Variants in DPP6 observed in about 807,000 individuals in gnomAD.
DPP6 encodes dipeptidyl peptidase like 6.
DPP6 carries 69 observed loss-of-function variants against 122.6 expected under a neutral mutation model. That is an observed-to-expected ratio of 0.56 (90% CI 0.46 to 0.69). The LOEUF (loss-of-function observed/expected upper bound fraction) is 0.69. DPP6 is among the 30% of genes least tolerant of loss of function. DPP6 has a pLI of 0.00. For synonymous variants in DPP6, 418 were observed against 433.1 expected, an observed-to-expected ratio of 0.97 and a Z score of 0.43; for missense variants, 928 against 1,116.9, an observed-to-expected ratio of 0.83 and a Z score of 2.41.
At chr7:154,292,774 T>C (rs577023439) in intron 1 of DPP6, among the ~76,000 whole-genome samples, 33 of 152,318 alleles carry the variant, frequency 2.2e-4, no homozygotes, top group African/African-American at 7.7e-4. Flanking sequence ...GGAGTTCCAA[T>C]AGCTCATAGG....
chr7:153,989,908 C>T (rs1359595613), intron 1 of DPP6, among the ~76,000 whole-genome samples: 1 of 151,284 alleles, frequency 6.6e-6, no homozygotes, highest in African/African-American at 2.4e-5. Flanking sequence ...GACAGTCCTG[C>T]CACCTGCCAG....
the DPP6 span, among the ~76,000 whole-genome samples, chr7:153,868,332 T>C: frequency 6.6e-6 from 1 of 152,180 alleles, no homozygotes; most frequent in African/African-American, 2.4e-5. Flanking sequence ...TTTCAGAGCC[T>C]GTTATTGGTC....
At chr7:154,880,741 T>C in intron 20 of DPP6, 147 bp from the exon 21 acceptor site, 1 of 1,381,482 alleles carries the variant, frequency 7.2e-7, no homozygotes, top group Non-Finnish European at 9.9e-7. Context: ...AAGCAATAAA[T>C]AATTATATTG....
chr7:154,134,486 G>A (rs1795442565), intron 1 of DPP6, among the ~76,000 whole-genome samples: 1 of 152,088 alleles, frequency 6.6e-6, no homozygotes, highest in Admixed American at 6.5e-5. Context: ...CTTCCTGTAG[G>A]GTCTTCCACA....
At chr7:154,631,436 G>C (rs957034138) in intron 5 of DPP6, among the ~76,000 whole-genome samples, 1 of 151,878 alleles carries the variant, frequency 6.6e-6, no homozygotes, top group African/African-American at 2.4e-5. Flanking sequence ...GGAGTATATT[G>C]CAGTGGGTTA....
At chr7:153,808,190 TGTGTGTGTGCCTGAGTGTGTGTGCCTGA>T in the DPP6 span, among the ~76,000 whole-genome samples, 1 of 141,934 alleles carries the variant, frequency 7.0e-6, no homozygotes, top group Non-Finnish European at 1.6e-5. Flanking sequence ...TGCCACTGTG[TGTGTGTGTGCCTGAGTGTGTGTGCCTGA>T]GTGTGCGTGC....
chr7:154,345,205 G>A (rs980639706), intron 1 of DPP6, among the ~76,000 whole-genome samples: 4 of 152,078 alleles, frequency 2.6e-5, no homozygotes, highest in African/African-American at 9.7e-5. Flanking sequence ...CGGGCAGGAG[G>A]GGAGAGAGAG....
intron 1 of DPP6, among the ~76,000 whole-genome samples, chr7:154,141,488 G>C (rs940794178): frequency 1.1e-4 from 16 of 152,186 alleles, no homozygotes; most frequent in African/African-American, 3.6e-4. Context: ...GCATGTAGTA[G>C]CTGCTCAGTA....
chr7:154,703,204 C>T (rs1840622403), intron 7 of DPP6, among the ~76,000 whole-genome samples: 1 of 152,244 alleles, frequency 6.6e-6, no homozygotes, highest in Non-Finnish European at 1.5e-5. Flanking sequence ...CCTGGTCACC[C>T]AAGGACTCTG....
chr7:154,325,048 G>C (rs764204864), intron 1 of DPP6, among the ~76,000 whole-genome samples: 6 of 151,752 alleles, frequency 4.0e-5, no homozygotes, highest in Non-Finnish European at 5.9e-5. Flanking sequence ...TATATTTTTA[G>C]TAGAGACAAG....
chr7:153,838,531 G>A, the DPP6 span, among the ~76,000 whole-genome samples: 1 of 152,258 alleles, frequency 6.6e-6, no homozygotes, highest in East Asian at 1.9e-4. Context: ...AAGACAAAGG[G>A]AAACATGAAA....
intron 1 of DPP6, among the ~76,000 whole-genome samples, chr7:154,129,349 A>G (rs3111976): frequency 0.03 from 4,607 of 152,010 alleles, 200 homozygotes; most frequent in African/African-American, 0.1. Flanking sequence ...AGCCAGGAAT[A>G]GTTCATATCA....
At chr7:153,975,071 C>G (rs1174908027) in intron 1 of DPP6, among the ~76,000 whole-genome samples, 2 of 152,248 alleles carry the variant, frequency 1.3e-5, no homozygotes, top group Middle Eastern at 3.4e-3. Flanking sequence ...TACTAAATAC[C>G]TACTACGTAC....
chr7:154,089,301 T>C (rs1804644589), intron 1 of DPP6, among the ~76,000 whole-genome samples: 1 of 148,340 alleles, frequency 6.7e-6, no homozygotes, highest in African/African-American at 2.5e-5. Context: ...AAATAGAGAC[T>C]GCTGTCCAAT....
chr7:154,892,570 C>CGGGGG lies in DPP6; in HGVS notation c.*94_*95insGGGGG. 1.9e-6 allele frequency: 1 copy of CGGGGG among 513,296 alleles called. No homozygotes were observed. 31.8% of individuals were successfully genotyped at this position (513,296 alleles called of 1,614,324 possible). Reference sequence around the variant, plus strand: ...TGCCCTCCCTCTTCCCTCGGAGGGGCGGGGCGGGGCGGGGCCGGGTGTTCC... The same window carrying CGGGGG: ...TGCCCTCCCTCTTCCCTCGGAGGGGCGGGGGGGGGCGGGGCGGGGCCGGGTGTTCC... On this transcript the variant is annotated 3_prime_UTR_variant, in exon 26 of 26. Transcript: ENST00000377770.
intron 2 of DPP6, among the ~76,000 whole-genome samples, chr7:154,451,005 A>G (rs534745411): frequency 6.6e-6 from 1 of 152,192 alleles, no homozygotes; most frequent in African/African-American, 2.4e-5. Context: ...AGTTACTCCC[A>G]CCTTCCAAGG....
At chr7:154,402,597 G>A (rs1461143403) in intron 1 of DPP6, among the ~76,000 whole-genome samples, 1 of 141,860 alleles carries the variant, frequency 7.0e-6, no homozygotes, top group Non-Finnish European at 1.5e-5. Context: ...GGGGACTGTT[G>A]TGGGTTGGGG....
At chr7:154,410,146 C>T (rs1202367706) in intron 1 of DPP6, among the ~76,000 whole-genome samples, 1 of 152,196 alleles carries the variant, frequency 6.6e-6, no homozygotes, top group African/African-American at 2.4e-5. Flanking sequence ...AAGTGAGCCT[C>T]TTTAAGGAGA....
intron 1 of DPP6, among the ~76,000 whole-genome samples, chr7:153,997,084 T>G (rs1454956348): frequency 6.6e-6 from 1 of 152,144 alleles, no homozygotes; most frequent in Non-Finnish European, 1.5e-5. Flanking sequence ...CTTCAGGATG[T>G]CTGAATATTG....
Sources: allele counts gnomAD v4.1 joint callset (sites outside exome capture counted in the v4.1 genomes callset), GRCh38; gene constraint gnomAD v4.1.1; transcripts MANE v1.5; gene names NCBI Gene and HGNC (gene_info 2026-07-23, HGNC 2026-07-21).